Variants in PCCA observed in about 807,000 individuals in gnomAD.
PCCA encodes the protein propionyl-CoA carboxylase alpha chain, mitochondrial.
A neutral mutation model predicts 101.3 loss-of-function variants in PCCA; 74 were observed. The observed-to-expected ratio is 0.73, with a 90% CI of 0.61 to 0.89. The LOEUF (loss-of-function observed/expected upper bound fraction) is 0.89, where lower values mean the gene tolerates loss of function less well. PCCA is among the 40% of genes least tolerant of loss of function. The pLI is 0.00. For synonymous variants in PCCA, 294 were observed against 313.6 expected, an observed-to-expected ratio of 0.94 and a Z score of 0.66; for missense variants, 891 against 907.0, an observed-to-expected ratio of 0.98 and a Z score of 0.23.
chr13:100,161,075 T>G (rs1257452321), intron 6 of PCCA: 1 of 152,270 alleles, frequency 6.6e-6, no homozygotes, highest in Non-Finnish European at 1.5e-5. Context: ...CGTGTGAGGT[T>G]TGGCGATTGT....
intron 18 of PCCA, among the ~76,000 whole-genome samples, chr13:100,356,451 T>G: frequency 6.6e-6 from 1 of 152,042 alleles, no homozygotes; most frequent in Non-Finnish European, 1.5e-5. Flanking sequence ...AGGACATGAA[T>G]AAAAATTTTT....
intron 6 of PCCA, among the ~76,000 whole-genome samples, chr13:100,182,862 T>C (rs988785479): frequency 2.0e-5 from 3 of 152,190 alleles, no homozygotes; most frequent in Non-Finnish European, 4.4e-5. Flanking sequence ...CACTCCCGTC[T>C]GTTCAGAGAG....
chr13:100,515,390 A>G, intron 21 of PCCA, 37 bp from the exon 22 acceptor site: 2 of 1,600,892 alleles, frequency 1.2e-6, no homozygotes, highest in Non-Finnish European at 1.7e-6. Flanking sequence ...AATTTCATTT[A>G]AACTCATTTA....
intron 6 of PCCA, among the ~76,000 whole-genome samples, chr13:100,195,095 C>A (rs78815329): frequency 0.019 from 2,873 of 151,944 alleles, 103 homozygotes; most frequent in African/African-American, 0.065. Flanking sequence ...TTTAAATATT[C>A]AAATTTAAAA....
chr13:100,184,216 ATTTG>A (rs1337310526), intron 6 of PCCA, among the ~76,000 whole-genome samples: 2 of 152,076 alleles, frequency 1.3e-5, no homozygotes, highest in Non-Finnish European at 2.9e-5. Context: ...CTGATAGATA[ATTTG>A]TTTGTTTCTC....
At chr13:100,167,434 T>C (rs1468337148) in intron 6 of PCCA, among the ~76,000 whole-genome samples, 1 of 152,034 alleles carries the variant, frequency 6.6e-6, no homozygotes, top group East Asian at 1.9e-4. Context: ...GCTGTAGTCC[T>C]AGCTGCTTGG....
At chr13:100,464,508 G>A (rs1456537529) in intron 21 of PCCA, 1 of 152,032 alleles carries the variant, frequency 6.6e-6, no homozygotes, top group Non-Finnish European at 1.5e-5. Context: ...CATTTGTCTT[G>A]CTTGGAGACA....
At chr13:100,405,113 C>T (rs2077593571) in intron 19 of PCCA, among the ~76,000 whole-genome samples, 1 of 152,172 alleles carries the variant, frequency 6.6e-6, no homozygotes, top group Non-Finnish European at 1.5e-5. Context: ...TCTTGTGACA[C>T]ACCCAGATAA....
intron 21 of PCCA, among the ~76,000 whole-genome samples, chr13:100,504,889 T>C (rs2085945271): frequency 1.3e-5 from 2 of 151,914 alleles, no homozygotes; most frequent in African/African-American, 4.8e-5. Flanking sequence ...GCCAAGATCA[T>C]GCCACTGCAC....
At chr13:100,520,508 G>T (rs879356047) in intron 22 of PCCA, among the ~76,000 whole-genome samples, 10 of 151,650 alleles carry the variant, frequency 6.6e-5, no homozygotes, top group Admixed American at 6.6e-4. Flanking sequence ...AGTGGCGGGC[G>T]CCTGTAGTCC....
chr13:100,398,670 G>A (rs1215938998), intron 19 of PCCA, among the ~76,000 whole-genome samples: 1 of 152,076 alleles, frequency 6.6e-6, no homozygotes, highest in East Asian at 1.9e-4. Context: ...ACTTGCTAGA[G>A]CTGGAGAATA....
At chr13:100,384,881 A>G (rs1249125705) in intron 19 of PCCA, among the ~76,000 whole-genome samples, 1 of 152,146 alleles carries the variant, frequency 6.6e-6, no homozygotes, top group Admixed American at 6.5e-5. Flanking sequence ...AGGGGTTTAT[A>G]ATAAAGGACT....
rs573607437 is a variant in PCCA, at chr13:100,273,197, AT to A, written c.923del (p.Leu308TrpfsTer14). ...NQKVVEEAPSIFLDAETRRAM... is the reference protein window; with the variant it reads ...NQKVVEEAPSXFLDAETRRAM... The stretch of plus-strand genomic sequence containing the variant: ...ACAAACATTTTTTTGTATATGTAGC[AT>A]TTTTTTGGATGCGGAGACTCGAAGA... On this transcript the variant is annotated frameshift_variant and splice_region_variant, in exon 12 of 24. Transcript: ENST00000376285. LOFTEE classifies it high-confidence loss of function. 2.5e-6 allele frequency: 4 copies of A among 1,612,136 alleles called. No individual in the cohort carries two copies. The highest frequency in any genetic ancestry group is 2.2e-5 in the East Asian group (1 of 44,844).
At chr13:100,404,015 AG>A (rs1174156991) in intron 19 of PCCA, among the ~76,000 whole-genome samples, 1 of 152,192 alleles carries the variant, frequency 6.6e-6, no homozygotes, top group African/African-American at 2.4e-5. Context: ...TCCTGCTGAC[AG>A]GGGATGCTGT....
intron 22 of PCCA, among the ~76,000 whole-genome samples, chr13:100,522,066 C>G (rs1171370432): frequency 6.6e-6 from 1 of 152,196 alleles, no homozygotes; most frequent in Non-Finnish European, 1.5e-5. Flanking sequence ...CAGTTGCGGT[C>G]TGAACAGGCA....
chr13:100,192,077 A>T (rs1489954969), intron 6 of PCCA, among the ~76,000 whole-genome samples: 1 of 152,202 alleles, frequency 6.6e-6, no homozygotes. Context: ...AGGAATTTGT[A>T]TCTTGGAAAG....
In PCCA at chr13:100,268,828, T is replaced by TTTCATTCA. The variant is rs113891803; in HGVS notation, c.914+63_914+70dup. 11 of 1,203,788 alleles carry TTTCATTCA rather than the reference T, an allele frequency of 9.1e-6. No individual in the cohort carries two copies. The African/African-American group carries it at 1.7e-4, about 18-fold the overall frequency. 74.6% of individuals were successfully genotyped at this position (1,203,788 alleles called of 1,614,324 possible). A position where few individuals can be genotyped will look rare whatever the true frequency, so the allele number is the denominator to read the frequency against. The stretch of plus-strand genomic sequence containing the variant: ...TTTATAAAGCGGCTGCTTTTATGCA[T>TTTCATTCA]TTCATTCATTCATTCATTCATTCAT... On this transcript the variant is annotated intron_variant, in intron 11 of 23. Coordinates refer to ENST00000376285, the MANE Select transcript of PCCA (RefSeq NM_000282.4).
intron 8 of PCCA, among the ~76,000 whole-genome samples, chr13:100,241,825 A>G (rs1360160303): frequency 6.6e-6 from 1 of 152,136 alleles, no homozygotes; most frequent in Non-Finnish European, 1.5e-5. Flanking sequence ...GGCTATTGTA[A>G]ATGGTACTGC....
intron 21 of PCCA, among the ~76,000 whole-genome samples, chr13:100,476,827 G>T (rs765215819): frequency 5.9e-5 from 9 of 152,114 alleles, no homozygotes; most frequent in Non-Finnish European, 1.2e-4. Flanking sequence ...GGGGGACTCT[G>T]AGGTCAGTCC....
Sources: gnomAD v4.1 joint callset for allele counts (sites outside exome capture counted in the v4.1 genomes callset) on GRCh38, gnomAD v4.1.1 for gene constraint, MANE v1.5 for transcripts, NCBI Gene and HGNC (gene_info 2026-07-23, HGNC 2026-07-21) for gene names.